The following TANC2 variants were observed in gnomAD, a reference collection of about 807,000 sequenced individuals.
The protein encoded by TANC2 is tetratricopeptide repeat, ankyrin repeat and coiled-coil containing 2.
TANC2 carries 26 observed loss-of-function variants against 210.5 expected under a neutral mutation model. The observed-to-expected ratio is 0.12, with a 90% confidence interval of 0.09 to 0.17. TANC2 has a LOEUF of 0.17. Ranked by LOEUF, TANC2 falls within the 10% of genes least tolerant of loss-of-function variation. The pLI is 1.00. For synonymous variants in TANC2, 931 were observed against 967.1 expected (o/e 0.96, Z 0.69); for missense variants, 2,129 against 2,608.9 (o/e 0.82, Z 4.01).
intron 5 of TANC2, among the ~76,000 whole-genome samples, chr17:63,191,489 A>G (rs1203380571): frequency 6.6e-6 from 1 of 151,850 alleles, no homozygotes; most frequent in South Asian, 2.1e-4. Flanking sequence ...TTCAGACAGG[A>G]TCTTGCTCTG....
intron 5 of TANC2, among the ~76,000 whole-genome samples, chr17:63,158,509 A>T (rs2039915157): frequency 6.6e-6 from 1 of 152,258 alleles, no homozygotes; most frequent in Non-Finnish European, 1.5e-5. Context: ...GACACGCAAG[A>T]AGCTGGAATT....
chr17:63,068,912 G>A (rs996981800), intron 2 of TANC2, among the ~76,000 whole-genome samples: 20 of 152,212 alleles, frequency 1.3e-4, no homozygotes, highest in African/African-American at 4.8e-4. Flanking sequence ...GCATATATAT[G>A]TAATAAAAGT....
chr17:63,307,772 T>TGTTGTTGTTG (rs5821385), intron 9 of TANC2, among the ~76,000 whole-genome samples: 18 of 151,144 alleles, frequency 1.2e-4, no homozygotes, highest in African/African-American at 4.2e-4. Context: ...TTGTTGTTGT[T>TGTTGTTGTTG]TTGTTGTTTT....
chr17:63,138,532 G>T (rs187792891), intron 4 of TANC2, among the ~76,000 whole-genome samples: 139 of 152,006 alleles, frequency 9.1e-4, no homozygotes, highest in Admixed American at 1.8e-3. Context: ...TTGTTGGAAG[G>T]GCTACTTTAG....
intron 11 of TANC2, among the ~76,000 whole-genome samples, chr17:63,325,491 C>T (rs181330735): frequency 6.6e-6 from 1 of 152,240 alleles, no homozygotes; most frequent in Non-Finnish European, 1.5e-5. Context: ...TTAAGGTGCC[C>T]CAGCTGTGTG....
rs2037194491 is a variant in TANC2 at position 63,091,564 on chromosome 17, G to A, written c.140-7611G>A. Among the ~76,000 whole-genome samples the A allele has an allele frequency of 2.0e-5, 3 of 152,226 alleles. No individual in the cohort carries two copies. In the East Asian group the frequency reaches 5.8e-4, roughly 29 times the overall value. ...CTGAGGGCTCTGTTCTGTTCCATTGGTCGATACCTCTGTTTTGGTACCAGT... is the reference window on the plus strand; with the variant it reads ...CTGAGGGCTCTGTTCTGTTCCATTGATCGATACCTCTGTTTTGGTACCAGT... On this transcript the variant is annotated intron_variant, in intron 3 of 27. Coordinates refer to ENST00000689528, the Ensembl canonical transcript of TANC2.
chr17:63,348,940 T>C (rs889236430), intron 12 of TANC2, among the ~76,000 whole-genome samples: 1 of 152,130 alleles, frequency 6.6e-6, no homozygotes, highest in African/African-American at 2.4e-5. Context: ...CAGGAACAGT[T>C]CTCATTGTTT....
At chr17:63,023,032 A>G (rs2034413569) in intron 2 of TANC2, among the ~76,000 whole-genome samples, 2 of 152,170 alleles carry the variant, frequency 1.3e-5, no homozygotes, top group Admixed American at 1.3e-4. Flanking sequence ...CAAGATTTCA[A>G]AGAATGTTGT....
chr17:63,039,616 G>A (rs753283708), intron 2 of TANC2, among the ~76,000 whole-genome samples: 2 of 152,168 alleles, frequency 1.3e-5, no homozygotes, highest in Non-Finnish European at 2.9e-5. Flanking sequence ...GGTGCAGCAC[G>A]TACAGGGCTT....
chr17:63,108,816 TATAA>T lies in TANC2; in HGVS notation c.322+9473_322+9476del, dbSNP rs1424175375. ...GAGCAAGACTCCATCTCAAAAAAAA[TATAA>T]ATAAATAAATAAAAATAAAAAATTT... On this transcript the variant is annotated intron_variant, in intron 4 of 27. Transcript: ENST00000689528. Among the ~76,000 whole-genome samples, 3 of 150,780 alleles carry T rather than the reference TATAA, an allele frequency of 2.0e-5. No homozygotes were observed. The East Asian group carries it at 5.8e-4, about 29-fold the overall frequency.
intron 7 of TANC2, among the ~76,000 whole-genome samples, chr17:63,232,439 G>C (rs969894778): frequency 1.3e-5 from 2 of 152,238 alleles, no homozygotes; most frequent in African/African-American, 4.8e-5. Flanking sequence ...TGGGGTTTTT[G>C]TGGGGACATT....
chr17:63,408,769 G>A (rs532345991), intron 21 of TANC2, among the ~76,000 whole-genome samples: 1 of 152,364 alleles, frequency 6.6e-6, no homozygotes, highest in East Asian at 1.9e-4. Context: ...TGCTGTGGCA[G>A]GTGCTAAGCT....
intron 15 of TANC2, among the ~76,000 whole-genome samples, chr17:63,387,216 G>A (rs117857139): frequency 3.9e-5 from 6 of 152,036 alleles, no homozygotes; most frequent in East Asian, 3.9e-4. Flanking sequence ...TATCCCCACA[G>A]GGAGAAAAAA....
intron 4 of TANC2, among the ~76,000 whole-genome samples, chr17:63,121,588 A>G (rs2038480614): frequency 1.3e-5 from 2 of 152,240 alleles, no homozygotes; most frequent in South Asian, 2.1e-4. Context: ...CAAATCTCAT[A>G]TTTCTTTAAA....
chr17:63,378,310 C>G (rs1026191540), intron 14 of TANC2, among the ~76,000 whole-genome samples: 3 of 151,726 alleles, frequency 2.0e-5, no homozygotes, highest in African/African-American at 7.3e-5. Context: ...AATAGAAATA[C>G]AACCCTAAAT....
chr17:63,410,345 C>T lies in TANC2; in HGVS notation c.3590-1166C>T, dbSNP rs112158803. Reference sequence around the variant, plus strand: ...GACCAACATCTCTCCAATCCCCCCCCCCCATCTCCTAGTTTCTGGTAACCA... The same window carrying T: ...GACCAACATCTCTCCAATCCCCCCCTCCCATCTCCTAGTTTCTGGTAACCA... On this transcript the variant is annotated intron_variant, in intron 21 of 27. Coordinates refer to ENST00000689528, the Ensembl canonical transcript of TANC2. Among the ~76,000 whole-genome samples, 11 of 146,540 alleles carry T rather than the reference C, an allele frequency of 7.5e-5. 1 individual carries two copies. Among genetic ancestry groups the T allele is most frequent in the Non-Finnish European group, 1.5e-4 (10 of 66,686 alleles).
chr17:63,422,098 C>T (rs753431537), exon 28 of TANC2: 14 of 1,109,908 alleles, frequency 1.3e-5, no homozygotes, highest in Non-Finnish European at 1.6e-5. Context: ...TGCTGAAATC[C>T]TTTGCATGCA....
intron 12 of TANC2, among the ~76,000 whole-genome samples, chr17:63,349,833 GT>G (rs1355406169): frequency 6.6e-6 from 1 of 152,194 alleles, no homozygotes; most frequent in Non-Finnish European, 1.5e-5. Flanking sequence ...ATCCCAGTTA[GT>G]TCCAAGCAAC....
chr17:63,387,642 C>T (rs887196780), intron 15 of TANC2, among the ~76,000 whole-genome samples: 1 of 152,182 alleles, frequency 6.6e-6, no homozygotes, highest in Non-Finnish European at 1.5e-5. Context: ...TCTTCCTGCC[C>T]TCAGGATTTC....
Sources: allele counts gnomAD v4.1 joint callset (sites outside exome capture counted in the v4.1 genomes callset), GRCh38; gene constraint gnomAD v4.1.1; transcripts MANE v1.5; gene names NCBI Gene and HGNC (gene_info 2026-07-23, HGNC 2026-07-21).